Variants in SNX29 observed in about 807,000 individuals in gnomAD.
SNX29 encodes the protein sorting nexin-29.
Under a neutral mutation model 102.1 loss-of-function variants are expected in SNX29, and 78 were observed. The observed-to-expected ratio is 0.76, with a 90% CI of 0.64 to 0.92. The LOEUF (loss-of-function observed/expected upper bound fraction) is 0.92, where lower values mean the gene tolerates loss of function less well. Ranked by LOEUF, SNX29 falls within the 40% of genes least tolerant of loss-of-function variation. The pLI, the probability that SNX29 is intolerant of heterozygous loss-of-function variation, is 0.00. For synonymous variants in SNX29, 580 were observed against 414.5 expected (o/e 1.40, Z -4.85); for missense variants, 1,280 against 1,061.7 (o/e 1.21, Z -2.86).
At chr16:12,304,309 C>T (rs1404628372) in intron 15 of SNX29, among the ~76,000 whole-genome samples, 1 of 151,852 alleles carries the variant, frequency 6.6e-6, no homozygotes, top group Admixed American at 6.6e-5. Flanking sequence ...GTTGTTGTTG[C>T]ACTCCCAGGC....
intron 15 of SNX29, among the ~76,000 whole-genome samples, chr16:12,291,463 G>A (rs113680522): frequency 0.044 from 6,651 of 152,244 alleles, 263 homozygotes; most frequent in African/African-American, 0.1. Context: ...TCTCTCCCAC[G>A]ACACGTGGGA....
At chr16:12,115,049 CA>C (rs1239815622) in intron 11 of SNX29, among the ~76,000 whole-genome samples, 3 of 152,226 alleles carry the variant, frequency 2.0e-5, no homozygotes, top group Admixed American at 6.5e-5. Context: ...GGGATGACAC[CA>C]CCAGTTCCAT....
intron 11 of SNX29, among the ~76,000 whole-genome samples, chr16:12,107,138 C>G (rs899327635): frequency 2.0e-5 from 3 of 152,174 alleles, no homozygotes; most frequent in African/African-American, 7.2e-5. Flanking sequence ...TCCTATTAAC[C>G]TCACCTTGGC....
At chr16:12,044,526 C>G (rs1449397696) in intron 5 of SNX29, among the ~76,000 whole-genome samples, 1 of 152,196 alleles carries the variant, frequency 6.6e-6, no homozygotes, top group Admixed American at 6.6e-5. Flanking sequence ...CTGAGAATGT[C>G]TGGATCTCTA....
intron 16 of SNX29, among the ~76,000 whole-genome samples, chr16:12,357,466 A>C (rs2082168383): frequency 6.6e-6 from 1 of 152,212 alleles, no homozygotes; most frequent in African/African-American, 2.4e-5. Context: ...GATCCATGTG[A>C]GACCCATGCA....
intron 15 of SNX29, among the ~76,000 whole-genome samples, chr16:12,351,965 T>C (rs1410605457): frequency 6.6e-6 from 1 of 152,164 alleles, no homozygotes; most frequent in Non-Finnish European, 1.5e-5. Context: ...CCCAGTCCCC[T>C]TTGATAGGCA....
At chr16:12,275,071 A>T (rs566995311) in intron 14 of SNX29, among the ~76,000 whole-genome samples, 4 of 151,892 alleles carry the variant, frequency 2.6e-5, no homozygotes, top group Non-Finnish European at 5.9e-5. Context: ...CTCAAATGGG[A>T]TGTGATTTCT....
At chr16:12,008,921 T>A (rs926139232) in intron 3 of SNX29, among the ~76,000 whole-genome samples, 2 of 151,776 alleles carry the variant, frequency 1.3e-5, no homozygotes, top group African/African-American at 4.8e-5. Context: ...TTTGTATTTT[T>A]AGTAGAGACG....
intron 20 of SNX29, among the ~76,000 whole-genome samples, chr16:12,564,671 C>T (rs1027510112): frequency 6.6e-6 from 1 of 152,130 alleles, no homozygotes; most frequent in African/African-American, 2.4e-5. Flanking sequence ...ATATCTTGTC[C>T]ACACATTCCT....
At chr16:12,374,443 G>C (rs765080416) in intron 16 of SNX29, 1 of 152,240 alleles carries the variant, frequency 6.6e-6, no homozygotes, top group Non-Finnish European at 1.5e-5. Context: ...CCTCTGTCCA[G>C]CTCTCGGGTC....
intron 15 of SNX29, among the ~76,000 whole-genome samples, chr16:12,355,646 T>C (rs1176656339): frequency 6.6e-6 from 1 of 152,088 alleles, no homozygotes; most frequent in Non-Finnish European, 1.5e-5. Flanking sequence ...ATAGACCATC[T>C]GTAGTCACCT....
chr16:12,310,919 A>C (rs1390423501), intron 15 of SNX29, among the ~76,000 whole-genome samples: 2 of 152,232 alleles, frequency 1.3e-5, no homozygotes, highest in Non-Finnish European at 2.9e-5. Flanking sequence ...AATAACGAAG[A>C]AGTAGCACAT....
In SNX29 at chr16:12,078,759, G is replaced by A. The variant is rs370830023; in HGVS notation, c.1320-74G>A. 39 of 1,303,276 alleles carry A rather than the reference G, an allele frequency of 3.0e-5. No homozygotes were observed. In the African/African-American group the frequency reaches 5.1e-4, roughly 17 times the overall value. 80.7% of individuals were successfully genotyped at this position (1,303,276 alleles called of 1,614,324 possible). On this transcript the variant is annotated intron_variant, in intron 10 of 20. Coordinates refer to ENST00000566228, the MANE Select transcript of SNX29 (RefSeq NM_032167.5). ...GAGGTACCGGAGTAAACCGACCTCT[G>A]CTAGTTTTTGGAATGGTGAGGGTGT...
At chr16:12,477,910 A>T in intron 19 of SNX29, 51 bp downstream of exon 19, 1 of 1,532,962 alleles carries the variant, frequency 6.5e-7, no homozygotes. Flanking sequence ...GTTAAAATGG[A>T]TTATTTATTC....
At chr16:12,165,008 C>T (rs1431592644) in intron 13 of SNX29, among the ~76,000 whole-genome samples, 3 of 152,130 alleles carry the variant, frequency 2.0e-5, no homozygotes, top group Non-Finnish European at 4.4e-5. Context: ...CTTTTTGACT[C>T]ACTTCTCCTG....
At chr16:12,431,106 C>A (rs546260590) in intron 18 of SNX29, among the ~76,000 whole-genome samples, 1 of 152,150 alleles carries the variant, frequency 6.6e-6, no homozygotes, top group African/African-American at 2.4e-5. Context: ...CCCACCTCGG[C>A]CTCCCAAAGT....
At chr16:12,066,032 G>T (rs1330260146) in intron 9 of SNX29, among the ~76,000 whole-genome samples, 3 of 152,164 alleles carry the variant, frequency 2.0e-5, no homozygotes, top group Non-Finnish European at 4.4e-5. Flanking sequence ...AGCCATTCGC[G>T]GTTGTGCATC....
intron 19 of SNX29, among the ~76,000 whole-genome samples, chr16:12,488,251 C>A (rs928302557): frequency 1.3e-5 from 2 of 152,070 alleles, no homozygotes; most frequent in Non-Finnish European, 2.9e-5. Flanking sequence ...CACAGAGAAG[C>A]TGAATTGAAG....
At chr16:11,976,861 C>T in intron 1 of SNX29, 48 bp downstream of exon 1, 4 of 1,330,128 alleles carry the variant, frequency 3.0e-6, no homozygotes, top group Non-Finnish European at 3.8e-6. Flanking sequence ...GCCCCGGCTC[C>T]CGCCGCTCCA....
Sources: gnomAD v4.1 joint callset for allele counts (sites outside exome capture counted in the v4.1 genomes callset) on GRCh38, gnomAD v4.1.1 for gene constraint, MANE v1.5 for transcripts, NCBI Gene and HGNC (gene_info 2026-07-23, HGNC 2026-07-21) for gene names.